PARN: variants seen among roughly 807,000 people sequenced by gnomAD.
PARN encodes the protein poly(A)-specific ribonuclease PARN.
In PARN, 71 loss-of-function variants were observed where a neutral mutation model predicts 102.8. That is an observed-to-expected ratio of 0.69 (90% CI 0.57 to 0.84). The LOEUF (loss-of-function observed/expected upper bound fraction) is 0.84, where lower values mean the gene tolerates loss of function less well. Among genes scored for constraint, PARN ranks in the 40% least tolerant of loss-of-function variants. The probability of loss-of-function intolerance (pLI) is 0.00; values close to 1 mark genes in which losing one functional copy is unlikely to be tolerated. For missense variants in PARN, 782 were observed against 760.9 expected (o/e 1.03, Z -0.33); for synonymous variants, 261 against 252.9 (o/e 1.03, Z -0.30).
chr16:14,570,517 G>A (rs1968735216), intron 18 of PARN, among the ~76,000 whole-genome samples: 2 of 151,290 alleles, frequency 1.3e-5, no homozygotes, highest in Admixed American at 1.3e-4. Flanking sequence ...AGACACGGTG[G>A]CGCATGCTTG....
intron 21 of PARN, among the ~76,000 whole-genome samples, chr16:14,504,100 T>C (rs1315337869): frequency 6.6e-6 from 1 of 152,218 alleles, no homozygotes; most frequent in African/African-American, 2.4e-5. Flanking sequence ...TAGTAATTCC[T>C]CTTTTAGGAA....
chr16:14,611,312 G>C (rs1236102482), intron 6 of PARN, among the ~76,000 whole-genome samples: 2 of 152,258 alleles, frequency 1.3e-5, no homozygotes, highest in Non-Finnish European at 2.9e-5. Flanking sequence ...CATCACATTG[G>C]AGAGAGTATG....
chr16:14,563,567 G>A (rs1027712494), intron 18 of PARN, among the ~76,000 whole-genome samples: 1 of 151,078 alleles, frequency 6.6e-6, no homozygotes, highest in Admixed American at 6.6e-5. Flanking sequence ...AGGACACGCA[G>A]GTTAAATATG....
chr16:14,512,758 T>C (rs940113061), intron 21 of PARN, among the ~76,000 whole-genome samples: 1 of 152,224 alleles, frequency 6.6e-6, no homozygotes, highest in African/African-American at 2.4e-5. Context: ...CCTTATTGCC[T>C]CTGATATGTT....
chr16:14,445,162 G>T (rs1411976739), intron 23 of PARN, among the ~76,000 whole-genome samples: 1 of 151,890 alleles, frequency 6.6e-6, no homozygotes, highest in Non-Finnish European at 1.5e-5. Context: ...AGGACAGGAG[G>T]TAAGTAAAGA....
chr16:14,606,442 T>C, intron 10 of PARN, 42 bp downstream of exon 10: 1 of 1,132,452 alleles, frequency 8.8e-7, no homozygotes. Flanking sequence ...AGTGTAACAA[T>C]GGATGTGTTT....
Position 14,482,649 on chromosome 16 carries a change from G to C in PARN, c.1659C>G (p.Tyr553Ter). ...CTGAGAGCTCTTACCTATTGTTGCGGTAATAGTGATTCTGCAGGGTGTAGG... is the reference window on the plus strand; with the variant it reads ...CTGAGAGCTCTTACCTATTGTTGCGCTAATAGTGATTCTGCAGGGTGTAGG... Reference protein sequence around the residue: ...CIPYTLQNHYYRNNSFTAPST... With the variant: ...CIPYTLQNHY Residue 553 changes from tyrosine to a stop codon, truncating the protein, a stop_gained, in exon 22 of 24, where the codon TAC (tyrosine) becomes TAG (stop). Transcript: ENST00000437198. LOFTEE classifies it high-confidence loss of function. 1 of 1,604,416 alleles carries C rather than the reference G, an allele frequency of 6.2e-7. No homozygotes were observed. The highest frequency in any genetic ancestry group is 8.5e-7 in the Non-Finnish European group (1 of 1,176,524).
chr16:14,496,225 A>T (rs2151618185), intron 21 of PARN, among the ~76,000 whole-genome samples: 1 of 152,290 alleles, frequency 6.6e-6, no homozygotes, highest in Non-Finnish European at 1.5e-5. Context: ...CATGCTTCTG[A>T]TGACAACTTT....
chr16:14,621,789 C>G, intron 5 of PARN, among the ~76,000 whole-genome samples: 1 of 137,282 alleles, frequency 7.3e-6, no homozygotes, highest in Non-Finnish European at 1.6e-5. Flanking sequence ...CCAGCCTGGG[C>G]GACAGGGGCT....
intron 11 of PARN, chr16:14,601,921 T>C (rs1400700423): frequency 6.7e-6 from 1 of 149,050 alleles, no homozygotes; most frequent in African/African-American, 2.5e-5. Flanking sequence ...AAACAAAAAT[T>C]GCTTTTTTGG....
intron 5 of PARN, among the ~76,000 whole-genome samples, chr16:14,622,394 AGCCT>A (rs1353133049): frequency 6.6e-6 from 1 of 152,252 alleles, no homozygotes; most frequent in Non-Finnish European, 1.5e-5. Flanking sequence ...ACCACTGGAA[AGCCT>A]CCAAATTTCA....
chr16:14,544,470 G>A (rs1966863986), intron 21 of PARN, among the ~76,000 whole-genome samples: 1 of 152,164 alleles, frequency 6.6e-6, no homozygotes, highest in African/African-American at 2.4e-5. Flanking sequence ...AGCTACTCAG[G>A]AGGCTGAGGC....
chr16:14,512,428 G>T (rs1169522246), intron 21 of PARN, among the ~76,000 whole-genome samples: 1 of 152,118 alleles, frequency 6.6e-6, no homozygotes, highest in East Asian at 1.9e-4. Flanking sequence ...GGGACGTGGA[G>T]GTTGCAGTGA....
At chr16:14,594,904 T>G (rs1970409967) in intron 12 of PARN, among the ~76,000 whole-genome samples, 1 of 152,202 alleles carries the variant, frequency 6.6e-6, no homozygotes, top group Admixed American at 6.5e-5. Flanking sequence ...TATGCTACGC[T>G]AAAATAATGA....
chr16:14,507,377 C>T (rs1964950898), intron 21 of PARN, among the ~76,000 whole-genome samples: 1 of 150,462 alleles, frequency 6.6e-6, no homozygotes, highest in Non-Finnish European at 1.5e-5. Flanking sequence ...GAAACCAGCT[C>T]TCTGACTCTA....
intron 10 of PARN, among the ~76,000 whole-genome samples, chr16:14,604,517 T>G (rs571745636): frequency 6.6e-6 from 1 of 152,252 alleles, no homozygotes; most frequent in South Asian, 2.1e-4. Flanking sequence ...CGCCTCAGTC[T>G]CCCAAAGTGC....
At chr16:14,450,208 A>T (rs1596439659) in intron 22 of PARN, among the ~76,000 whole-genome samples, 1 of 152,378 alleles carries the variant, frequency 6.6e-6, no homozygotes, top group East Asian at 1.9e-4. Flanking sequence ...AGCAAAGTGC[A>T]AAAGAACAAC....
intron 8 of PARN, 60 bp from the exon 9 acceptor site, chr16:14,608,379 C>A (rs922845561): frequency 1.2e-5 from 13 of 1,062,066 alleles, no homozygotes; most frequent in South Asian, 2.9e-5. Context: ...CCAAACTGAT[C>A]AAGCATTTGT....
chr16:14,510,595 G>A (rs1390603907), intron 21 of PARN, among the ~76,000 whole-genome samples: 4 of 152,144 alleles, frequency 2.6e-5, no homozygotes, highest in Admixed American at 1.3e-4. Context: ...TAATTACTTA[G>A]TTAAAACAAC....
Sources: gnomAD v4.1 joint callset for allele counts (sites outside exome capture counted in the v4.1 genomes callset) on GRCh38, gnomAD v4.1.1 for gene constraint, MANE v1.5 for transcripts, NCBI Gene and HGNC (gene_info 2026-07-23, HGNC 2026-07-21) for gene names.